The following DBF4B variants were observed in gnomAD, a reference collection of about 807,000 sequenced individuals.
DBF4B encodes DBF4B-CDC7 kinase regulatory subunit.
A neutral mutation model predicts 53.4 loss-of-function variants in DBF4B; 49 were observed. The observed-to-expected ratio is 0.92, with a 90% CI of 0.73 to 1.16. The LOEUF is 1.16. Among genes scored for constraint, DBF4B ranks in the 50% most tolerant of loss-of-function variants. The pLI is 0.00. For synonymous variants in DBF4B, 257 were observed against 288.7 expected, an observed-to-expected ratio of 0.89 and a Z score of 1.11; for missense variants, 692 against 775.0, an observed-to-expected ratio of 0.89 and a Z score of 1.27.
rs1252512141 is a variant in DBF4B at position 44,722,857 on chromosome 17, T to G, written c.83-23T>G. ...GACTCTCTTTTCAAACTTCTTACTTTGCTCCTCTTTATTGTTTTCTAGGAG... is the reference window on the plus strand; with the variant it reads ...GACTCTCTTTTCAAACTTCTTACTTGGCTCCTCTTTATTGTTTTCTAGGAG... On this transcript the variant is annotated intron_variant, in intron 2 of 13. Coordinates refer to ENST00000315005, the MANE Select transcript of DBF4B (RefSeq NM_145663.3). 5 of 1,611,994 alleles carry G rather than the reference T, an allele frequency of 3.1e-6. No homozygotes were observed. The African/African-American group carries it at 6.7e-5, about 22-fold the overall frequency.
intron 10 of DBF4B, among the ~76,000 whole-genome samples, chr17:44,742,583 G>T (rs1285808783): frequency 1.3e-5 from 2 of 151,970 alleles, no homozygotes; most frequent in Admixed American, 6.6e-5. Context: ...CCTGATGCAG[G>T]TTCCTAAACT....
chr17:44,722,756 C>G, intron 2 of DBF4B, 124 bp from the exon 3 acceptor site: 1 of 1,080,188 alleles, frequency 9.3e-7, no homozygotes, highest in African/African-American at 1.6e-5. Flanking sequence ...TCACAGCTGT[C>G]TGTGTGTGCC....
At chr17:44,746,053 CAAAAAAAAA>C (rs61654485) in intron 10 of DBF4B, among the ~76,000 whole-genome samples, 17 of 110,664 alleles carry the variant, frequency 1.5e-4, no homozygotes, top group Non-Finnish European at 2.7e-4. Flanking sequence ...ACTAAAAATA[CAAAAAAAAA>C]AAAAAAAAAA....
At chr17:44,714,334 C>A (rs992485023) in intron 2 of DBF4B, among the ~76,000 whole-genome samples, 1 of 152,094 alleles carries the variant, frequency 6.6e-6, no homozygotes, top group Non-Finnish European at 1.5e-5. Context: ...ATAAATAATA[C>A]TTTTGAAAAT....
Position 44,749,805 on chromosome 17 carries a change from C to T in DBF4B, c.1190-790C>T. ...GAGCCGCGGGTTAGCTGTTGGTGTG[C>T]TCCACCCCCAACCCCGGCCTCCTTT... On this transcript the variant is annotated intron_variant, in intron 13 of 13. Coordinates refer to ENST00000315005, the MANE Select transcript of DBF4B (RefSeq NM_145663.3). The surrounding 1 kb of genome is among the most constrained non-coding windows in gnomAD (Gnocchi z 4.4). The T allele has an allele frequency of 9.5e-7, 1 of 1,052,196 alleles. No homozygotes were observed. The highest frequency in any genetic ancestry group is 1.2e-6 in the Non-Finnish European group (1 of 869,464). 65.2% of individuals were successfully genotyped at this position (1,052,196 alleles called of 1,614,324 possible). A position where few individuals can be genotyped will look rare whatever the true frequency, so the allele number is the denominator to read the frequency against.
chr17:44,748,164 G>A (rs546320943), intron 12 of DBF4B, among the ~76,000 whole-genome samples, 177 bp from the exon 13 acceptor site: 50 of 152,348 alleles, frequency 3.3e-4, no homozygotes, highest in African/African-American at 1.1e-3. Context: ...TGCACACAGT[G>A]CTGGTTGCTG....
chr17:44,733,511 T>C (rs1975045339), intron 6 of DBF4B: 1 of 152,502 alleles, frequency 6.6e-6, no homozygotes, highest in Non-Finnish European at 1.5e-5. Context: ...TTTTAGAGGA[T>C]TGGTCCAGAT....
In DBF4B at chr17:44,749,947, G is replaced by A. The variant is rs1184106827; in HGVS notation, c.1190-648G>A. ...ACATATGAAGCAGAGGAGGGGCTTGGGCTGCACCACTCACAGAGCTCCCTC... is the reference window on the plus strand; with the variant it reads ...ACATATGAAGCAGAGGAGGGGCTTGAGCTGCACCACTCACAGAGCTCCCTC... On this transcript the variant is annotated intron_variant, in intron 13 of 13. Transcript: ENST00000315005. The surrounding 1 kb of genome is among the most constrained non-coding windows in gnomAD (Gnocchi z 4.4). The A allele has an allele frequency of 2.0e-6, 2 of 1,015,068 alleles. No individual in the cohort carries two copies. The highest frequency in any genetic ancestry group is 1.0e-4 in the Admixed American group (2 of 19,586). The allele number at this position is 1,015,068 out of a possible 1,614,324, so 62.9% of individuals were successfully genotyped here.
chr17:44,711,993 A>G (rs1972923434), intron 2 of DBF4B, among the ~76,000 whole-genome samples: 1 of 150,742 alleles, frequency 6.6e-6, no homozygotes, highest in Admixed American at 6.6e-5. Flanking sequence ...GCTACTTGGG[A>G]GGCTGAAGCA....
intron 13 of DBF4B, chr17:44,750,228 G>A: frequency 2.0e-6 from 2 of 1,020,252 alleles, no homozygotes; most frequent in Non-Finnish European, 1.2e-6. Context: ...ACAGAAATGG[G>A]TTTGCTATCG....
chr17:44,712,660 C>T (rs916536897), intron 2 of DBF4B, among the ~76,000 whole-genome samples: 2 of 151,292 alleles, frequency 1.3e-5, no homozygotes, highest in African/African-American at 4.9e-5. Context: ...AGGATGGTCT[C>T]GATTGCCTGA....
In DBF4B at chr17:44,750,961, G is replaced by T. The variant is rs1269330712; in HGVS notation, c.1556G>T (p.Gly519Val). 2.5e-6 allele frequency: 4 copies of T among 1,614,144 alleles called. No individual in the cohort carries two copies. The East Asian group carries it at 6.7e-5, about 27-fold the overall frequency. Residue 519 changes from glycine to valine, a missense_variant, in exon 14 of 14, where the codon GGT becomes GTT. Physicochemically the swap from Gly to Val is moderately radical, Grantham distance 109. Transcript: ENST00000315005. ...WVRPFPFVTW[G>V]CLIPHDTTPL... ...CGTCCCTTTCCTTTTGTGACATGGG[G>T]TTGCCTCATTCCCCATGACACCACC...
At chr17:44,725,684 C>CTTCTTTT (rs777349094) in intron 3 of DBF4B, among the ~76,000 whole-genome samples, 1 of 87,646 alleles carries the variant, frequency 1.1e-5, no homozygotes, top group African/African-American at 4.8e-5. Flanking sequence ...TTTTGTGCTT[C>CTTCTTTT]TTTTTTTTTT....
intron 2 of DBF4B, chr17:44,719,829 C>T: frequency 4.3e-6 from 1 of 233,946 alleles, no homozygotes; most frequent in Non-Finnish European, 8.9e-6. Flanking sequence ...AGCCCTGGAG[C>T]TGAGGAAAGC....
intron 13 of DBF4B, 143 bp from the exon 14 acceptor site, chr17:44,750,452 C>T: frequency 6.9e-7 from 1 of 1,442,638 alleles, no homozygotes; most frequent in Non-Finnish European, 9.1e-7. Flanking sequence ...ATGTGTACAG[C>T]CCACCTTAGA....
In DBF4B at chr17:44,749,148, G is replaced by T; in HGVS notation, c.1189+683G>T. ...CCTCGGGAGCACCTGTAGAGAGCAG[G>T]TCTACCTCCCTCCTGCAGCCCCTGC... On this transcript the variant is annotated intron_variant, in intron 13 of 13. Transcript: ENST00000315005. This position sits in a 1 kb window ranked among gnomAD's most constrained non-coding sequence, Gnocchi z 4.4. 7.8e-7 allele frequency: 1 copy of T among 1,289,736 alleles called. No individual in the cohort carries two copies. Among genetic ancestry groups the T allele is most frequent in the Admixed American group, 2.3e-5 (1 of 43,566 alleles). 79.9% of individuals were successfully genotyped at this position (1,289,736 alleles called of 1,614,324 possible).
chr17:44,730,831 C>T (rs769683601), intron 4 of DBF4B, 134 bp from the exon 5 acceptor site: 7 of 845,696 alleles, frequency 8.3e-6, no homozygotes, highest in Non-Finnish European at 1.1e-5. Context: ...TTCTACCAAT[C>T]CTCAGTTGTC....
At chr17:44,743,699 C>T (rs1598853492) in intron 10 of DBF4B, among the ~76,000 whole-genome samples, 1 of 151,334 alleles carries the variant, frequency 6.6e-6, no homozygotes, top group East Asian at 1.9e-4. Context: ...CAACCTCCGC[C>T]TCCCAGGTTC....
At chr17:44,728,551 G>T (rs1244349431) in intron 3 of DBF4B, among the ~76,000 whole-genome samples, 1 of 152,146 alleles carries the variant, frequency 6.6e-6, no homozygotes, top group Admixed American at 6.6e-5. Context: ...AGGCACGGTG[G>T]CTCACACCTG....
Sources: allele counts gnomAD v4.1 joint callset (sites outside exome capture counted in the v4.1 genomes callset), GRCh38; gene constraint gnomAD v4.1.1; non-coding constraint Gnocchi (gnomAD v3.1); transcripts MANE v1.5; gene names NCBI Gene and HGNC (gene_info 2026-07-23, HGNC 2026-07-21).